Variants in KCNK2 observed in about 807,000 individuals in gnomAD.
KCNK2 encodes potassium channel subfamily K member 2.
In KCNK2, 21 loss-of-function variants were observed where a neutral mutation model predicts 40.5. The ratio of observed to expected loss-of-function variants is 0.52; its 90% CI spans 0.37 to 0.75. The LOEUF (loss-of-function observed/expected upper bound fraction) is 0.75. Among genes scored for constraint, KCNK2 ranks in the 30% least tolerant of loss-of-function variants. The pLI, the probability that KCNK2 is intolerant of heterozygous loss-of-function variation, is 0.00. For synonymous variants in KCNK2, 191 were observed against 202.2 expected (o/e 0.94, Z 0.47); for missense variants, 399 against 531.6 (o/e 0.75, Z 2.45).
chr1:215,236,582 C>T lies in KCNK2; in HGVS notation c.*1437C>T, dbSNP rs368894475. 1.3e-5 allele frequency: 2 copies of T among 152,202 alleles called. No homozygotes were observed. The highest frequency in any genetic ancestry group is 4.2e-4 in the South Asian group (2 of 4,816). The allele number at this position is 152,202 out of a possible 1,614,324, so 9.4% of individuals were successfully genotyped here. ...TAGTTTAATTTTATATCCTGTAATTCTTTGGATGGTTCCAAGATTCAGAAA... is the reference window on the plus strand; with the variant it reads ...TAGTTTAATTTTATATCCTGTAATTTTTTGGATGGTTCCAAGATTCAGAAA... On this transcript the variant is annotated 3_prime_UTR_variant, in exon 7 of 7. Transcript: ENST00000444842.
chr1:215,223,934 G>A (rs935675380), intron 6 of KCNK2, among the ~76,000 whole-genome samples: 2 of 152,070 alleles, frequency 1.3e-5, no homozygotes, highest in African/African-American at 2.4e-5. Flanking sequence ...GGAAAGGCAT[G>A]GAAGTGCGAA....
chr1:215,110,620 T>C (rs1361876093), intron 2 of KCNK2, among the ~76,000 whole-genome samples: 1 of 152,146 alleles, frequency 6.6e-6, no homozygotes, highest in Non-Finnish European at 1.5e-5. Context: ...TTATTTTTGT[T>C]TTGTTCTAGA....
At chr1:215,191,233 C>T (rs548329180) in intron 5 of KCNK2, among the ~76,000 whole-genome samples, 6 of 150,526 alleles carry the variant, frequency 4.0e-5, no homozygotes, top group Non-Finnish European at 8.8e-5. Flanking sequence ...TGCAGTGAGC[C>T]GAAATGCACC....
chr1:215,010,658 G>T (rs1281420638), intron 1 of KCNK2, among the ~76,000 whole-genome samples: 1 of 152,130 alleles, frequency 6.6e-6, no homozygotes, highest in Non-Finnish European at 1.5e-5. Context: ...GAGGTAAGAG[G>T]TCAAGGTGAA....
chr1:215,187,618 T>C (rs1373233625), intron 5 of KCNK2, among the ~76,000 whole-genome samples: 1 of 151,934 alleles, frequency 6.6e-6, no homozygotes, highest in African/African-American at 2.4e-5. Flanking sequence ...CCTAACACAA[T>C]TTAAAATTTC....
At chr1:215,178,674 T>C (rs1005495998) in intron 5 of KCNK2, among the ~76,000 whole-genome samples, 9 of 152,194 alleles carry the variant, frequency 5.9e-5, no homozygotes, top group African/African-American at 1.9e-4. Flanking sequence ...GATCTGTATA[T>C]GGTGAACCAA....
chr1:215,152,115 T>C (rs967756785), intron 3 of KCNK2, among the ~76,000 whole-genome samples: 5 of 152,178 alleles, frequency 3.3e-5, no homozygotes, highest in African/African-American at 1.2e-4. Flanking sequence ...CCTGATATAG[T>C]ACATTAACAT....
chr1:215,106,329 T>C (rs1042616929), intron 2 of KCNK2, among the ~76,000 whole-genome samples: 2 of 152,140 alleles, frequency 1.3e-5, no homozygotes, highest in Non-Finnish European at 2.9e-5. Flanking sequence ...TTTTACATTT[T>C]TCTGATGATT....
intron 5 of KCNK2, among the ~76,000 whole-genome samples, chr1:215,181,322 A>C (rs1341513305): frequency 6.6e-6 from 1 of 152,114 alleles, no homozygotes; most frequent in African/African-American, 2.4e-5. Flanking sequence ...GCTTCCTTGC[A>C]ATCCATGCTT....
intron 5 of KCNK2, among the ~76,000 whole-genome samples, chr1:215,173,135 A>G (rs1046236198): frequency 1.3e-5 from 2 of 151,752 alleles, no homozygotes; most frequent in African/African-American, 4.8e-5. Context: ...CCACCCCACA[A>G]CAGGCCCTGG....
chr1:215,102,304 T>C (rs997727542), intron 2 of KCNK2, among the ~76,000 whole-genome samples: 1 of 151,846 alleles, frequency 6.6e-6, no homozygotes, highest in African/African-American at 2.4e-5. Context: ...GCCTAATATG[T>C]GTGTTTGTGT....
chr1:215,194,164 A>G (rs1198203308), intron 5 of KCNK2, among the ~76,000 whole-genome samples: 1 of 152,178 alleles, frequency 6.6e-6, no homozygotes, highest in Non-Finnish European at 1.5e-5. Context: ...AAATGCCCCC[A>G]TATTAATGGG....
intron 6 of KCNK2, among the ~76,000 whole-genome samples, chr1:215,203,683 G>T (rs7530450): frequency 0.81 from 123,110 of 151,948 alleles, 53,405 homozygotes; most frequent in East Asian, 0.98. Flanking sequence ...GTGTGTATAT[G>T]GCTAGAATTT....
rs116345761 is a variant in KCNK2 at position 215,035,821 on chromosome 1, C to A, written c.34+29866C>A. On this transcript the variant is annotated intron_variant, in intron 1 of 6. Transcript: ENST00000391895. ...TTATAAGAAAATGTTAAATTACTTT[C>A]GAACCCAGCTGTGTATTTTTATATT... Among the ~76,000 whole-genome samples the A allele has an allele frequency of 3.9e-5, 6 of 152,002 alleles. No individual in the cohort carries two copies. In the East Asian group the frequency reaches 1.2e-3, roughly 29 times the overall value.
At chr1:215,170,638 T>C (rs1331645610) in intron 4 of KCNK2, among the ~76,000 whole-genome samples, 2 of 152,176 alleles carry the variant, frequency 1.3e-5, no homozygotes, top group East Asian at 3.9e-4. Flanking sequence ...AGATCAAAGT[T>C]AGATCTCAAG....
chr1:215,037,316 T>C (rs933174323), intron 1 of KCNK2, among the ~76,000 whole-genome samples: 1 of 151,962 alleles, frequency 6.6e-6, no homozygotes, highest in African/African-American at 2.4e-5. Context: ...ATTATTTCAA[T>C]GAGGTGAGTT....
intron 3 of KCNK2, among the ~76,000 whole-genome samples, chr1:215,140,511 C>A (rs1186867749): frequency 6.6e-6 from 1 of 152,184 alleles, no homozygotes; most frequent in Non-Finnish European, 1.5e-5. Context: ...TTCTAGGCTA[C>A]AGACAGGTGC....
At chr1:215,218,481 C>A (rs536682304) in intron 6 of KCNK2, among the ~76,000 whole-genome samples, 10 of 152,344 alleles carry the variant, frequency 6.6e-5, no homozygotes, top group African/African-American at 2.4e-4. Flanking sequence ...CATCCAGTAG[C>A]TCATGCCAGA....
In KCNK2 at chr1:215,139,969, T is replaced by G. The variant is rs148902873; in HGVS notation, c.475+15219T>G. On this transcript the variant is annotated intron_variant, in intron 3 of 6. Coordinates refer to ENST00000444842, the MANE Select transcript of KCNK2 (RefSeq NM_001017425.3). ...TTTCTTTTACAGTGATTTTCCTATG[T>G]ATAGTTGACTTAGTTGATATTATAC... Among the ~76,000 whole-genome samples, 928 of 152,300 alleles carry G rather than the reference T, an allele frequency of 6.1e-3. 12 individuals carry two copies. Among genetic ancestry groups the G allele is most frequent in the African/African-American group, 0.021 (881 of 41,566 alleles).
Sources: gnomAD v4.1 joint callset for allele counts (sites outside exome capture counted in the v4.1 genomes callset) on GRCh38, gnomAD v4.1.1 for gene constraint, MANE v1.5 for transcripts, NCBI Gene and HGNC (gene_info 2026-07-23, HGNC 2026-07-21) for gene names.